The following TMEM255B variants were observed in gnomAD, a reference collection of about 807,000 sequenced individuals.
TMEM255B encodes family with sequence similarity 70, member B.
In TMEM255B, 35 loss-of-function variants were observed where a neutral mutation model predicts 34.5. The ratio of observed to expected loss-of-function variants is 1.01; its 90% CI spans 0.77 to 1.34. TMEM255B has a LOEUF of 1.34. Among genes scored for constraint, TMEM255B ranks in the 40% most tolerant of loss-of-function variants. The pLI is 0.00. For missense variants in TMEM255B, 432 were observed against 433.2 expected (o/e 1.00, Z 0.02); for synonymous variants, 206 against 201.2 (o/e 1.02, Z -0.20).
chr13:113,799,310 A>G (rs989290750), intron 4 of TMEM255B, 29 bp from the exon 5 acceptor site: 1 of 1,612,032 alleles, frequency 6.2e-7, no homozygotes, highest in African/African-American at 1.3e-5. Flanking sequence ...CACCTGTTTT[A>G]TTCCATCTGT....
chr13:113,788,971 T>C (rs1211490633), intron 3 of TMEM255B, among the ~76,000 whole-genome samples: 1 of 151,944 alleles, frequency 6.6e-6, no homozygotes, highest in East Asian at 1.9e-4. Flanking sequence ...CCACATGCCA[T>C]GCTGTGGGGC....
chr13:113,787,906 G>T (rs906274491), intron 3 of TMEM255B, among the ~76,000 whole-genome samples: 2 of 149,632 alleles, frequency 1.3e-5, no homozygotes, highest in African/African-American at 4.9e-5. Flanking sequence ...CTCTCTCCAG[G>T]AGGTTTACTC....
chr13:113,798,177 G>A (rs1451348065), intron 4 of TMEM255B, among the ~76,000 whole-genome samples: 1 of 151,894 alleles, frequency 6.6e-6, no homozygotes, highest in Non-Finnish European at 1.5e-5. Flanking sequence ...TGGATAGAAG[G>A]ATGGATGATG....
intron 3 of TMEM255B, among the ~76,000 whole-genome samples, chr13:113,777,803 TCAGA>T (rs1228672002): frequency 6.6e-6 from 1 of 152,204 alleles, no homozygotes; most frequent in Non-Finnish European, 1.5e-5. Flanking sequence ...CTGGGCGGCC[TCAGA>T]CAGAGCCTTC....
intron 8 of TMEM255B, among the ~76,000 whole-genome samples, chr13:113,811,282 T>C (rs1594175866): frequency 3.7e-5 from 2 of 54,016 alleles, no homozygotes; most frequent in Non-Finnish European, 6.5e-5. Context: ...CCTGGGTCTG[T>C]GGGGGCCCGT....
At position 113,766,142 on chromosome 13, in the gene TMEM255B, C is replaced by T. The variant is rs771068834; in HGVS notation, c.74C>T (p.Ser25Leu). Residue 25 changes from serine to leucine, a missense_variant, in exon 2 of 9, where the codon TCG (serine) becomes TTG (leucine). Transcript: ENST00000375353. ...AEGLSRRKKT[S>L]LWFVGSLLLV... Reference sequence around the variant, plus strand: ...GGGCTTTCGAGGAGGAAGAAGACGTCGCTCTGGTTTGTGGGGTCTCTGCTG... The same window carrying T: ...GGGCTTTCGAGGAGGAAGAAGACGTTGCTCTGGTTTGTGGGGTCTCTGCTG... 30 of 1,614,112 alleles carry T rather than the reference C, an allele frequency of 1.9e-5. No homozygotes were observed. In the East Asian group the frequency reaches 2.5e-4, roughly 13 times the overall value.
intron 3 of TMEM255B, among the ~76,000 whole-genome samples, chr13:113,782,854 GGGGACTTTTCTTTC>G (rs2050686847): frequency 6.6e-6 from 1 of 152,154 alleles, no homozygotes; most frequent in African/African-American, 2.4e-5. Flanking sequence ...CCCAGAGGTG[GGGGACTTTTCTTTC>G]GGGTTATCAG....
intron 1 of TMEM255B, among the ~76,000 whole-genome samples, chr13:113,761,842 C>T (rs1284366713): frequency 2.6e-5 from 4 of 152,118 alleles, no homozygotes; most frequent in African/African-American, 9.7e-5. Flanking sequence ...TGTCTATGTC[C>T]TCATCTGAGC....
chr13:113,801,470 C>T (rs773288605), intron 6 of TMEM255B, among the ~76,000 whole-genome samples, 183 bp from the exon 7 acceptor site: 2 of 152,244 alleles, frequency 1.3e-5, no homozygotes, highest in African/African-American at 2.4e-5. Context: ...TGGGGAGCCT[C>T]ACAGGCCAAT....
rs113330651 is a variant in TMEM255B at position 113,785,416 on chromosome 13, C to A, written c.253-9732C>A. 7.0e-3 allele frequency among the ~76,000 whole-genome samples: 1,070 copies of A among 152,324 alleles called. 13 individuals carry two copies. The highest frequency in any genetic ancestry group is 0.023 in the African/African-American group (969 of 41,558). On this transcript the variant is annotated intron_variant, in intron 3 of 8. Coordinates refer to ENST00000375353, the MANE Select transcript of TMEM255B (RefSeq NM_182614.4). ...AGGGAGGCTTGCGGGCTTCCCTCAC[C>A]CCCAGCTGCGGTTTCTGACTCAGCT... is the stretch of plus-strand genomic sequence containing the variant.
chr13:113,789,465 A>G (rs141574957), intron 3 of TMEM255B, among the ~76,000 whole-genome samples: 53 of 152,296 alleles, frequency 3.5e-4, no homozygotes, highest in Non-Finnish European at 5.3e-4. Context: ...AAGAGTTAAC[A>G]ATGCCTGGAG....
At chr13:113,768,363 G>A (rs1272445905) in intron 2 of TMEM255B, 6 of 414,942 alleles carry the variant, frequency 1.4e-5, no homozygotes, top group African/African-American at 6.2e-5. Context: ...TGGAGGGTGC[G>A]GATGCCCGGC....
At chr13:113,805,629 T>C (rs1237750904) in intron 8 of TMEM255B, among the ~76,000 whole-genome samples, 4 of 152,138 alleles carry the variant, frequency 2.6e-5, no homozygotes, top group African/African-American at 9.7e-5. Context: ...GTTTCTTACC[T>C]CGGCACTGTA....
At position 113,770,961 on chromosome 13, in the gene TMEM255B, G is replaced by T. The variant is rs2050468658; in HGVS notation, c.252+1801G>T. 6.6e-6 allele frequency among the ~76,000 whole-genome samples: 1 copy of T among 152,202 alleles called. No homozygotes were observed. The highest frequency in any genetic ancestry group is 2.4e-5 in the African/African-American group (1 of 41,430). ...TGGCGATGCACAGGATGGGTGGACAGTGTGGGTCTGTTTTTCTTTCCTTTT... is the reference window on the plus strand; with the variant it reads ...TGGCGATGCACAGGATGGGTGGACATTGTGGGTCTGTTTTTCTTTCCTTTT... On this transcript the variant is annotated intron_variant, in intron 3 of 8. Coordinates refer to ENST00000375353, the MANE Select transcript of TMEM255B (RefSeq NM_182614.4). The surrounding 1 kb of genome is among the most constrained non-coding windows in gnomAD (Gnocchi z 4.6).
chr13:113,808,339 CAGA>C (rs1027288562), intron 8 of TMEM255B, among the ~76,000 whole-genome samples: 44 of 152,300 alleles, frequency 2.9e-4, no homozygotes, highest in African/African-American at 9.6e-4. Context: ...GGCATCACAG[CAGA>C]AGATGAGTTC....
At chr13:113,775,064 C>CCA (rs75434298) in intron 3 of TMEM255B, among the ~76,000 whole-genome samples, 58,507 of 149,008 alleles carry the variant, frequency 0.39, 13,186 homozygotes, top group East Asian at 0.72. Context: ...ACACCACACA[C>CCA]CACACACTCC....
chr13:113,804,057 G>A (rs2051117746), intron 7 of TMEM255B, among the ~76,000 whole-genome samples: 1 of 152,202 alleles, frequency 6.6e-6, no homozygotes, highest in Non-Finnish European at 1.5e-5. Context: ...TGGGGAAGGT[G>A]GAGGGGCACC....
rs1479195577 is a variant in TMEM255B at position 113,814,614 on chromosome 13, T to A, written c.*2711T>A. The A allele has an allele frequency of 6.6e-6, 1 of 152,186 alleles. No individual in the cohort carries two copies. The highest frequency in any genetic ancestry group is 2.4e-5 in the African/African-American group (1 of 41,392). 9.4% of individuals were successfully genotyped at this position (152,186 alleles called of 1,614,324 possible). A position where few individuals can be genotyped will look rare whatever the true frequency, so the allele number is the denominator to read the frequency against. Reference sequence around the variant, plus strand: ...TCCGGCCAATGCCTGGCCTGCAGTGTGGGCGGCGGCTGCTCTCGAGGTGCA... The same window carrying A: ...TCCGGCCAATGCCTGGCCTGCAGTGAGGGCGGCGGCTGCTCTCGAGGTGCA... On this transcript the variant is annotated 3_prime_UTR_variant, in exon 9 of 9. Coordinates refer to ENST00000375353, the MANE Select transcript of TMEM255B (RefSeq NM_182614.4).
intron 3 of TMEM255B, 137 bp from the exon 4 acceptor site, chr13:113,795,011 A>C: frequency 1.3e-6 from 1 of 759,594 alleles, no homozygotes; most frequent in Non-Finnish European, 2.2e-6. Context: ...GCTGGAAGTC[A>C]TAGGACGAAA....
Sources: allele counts gnomAD v4.1 joint callset (sites outside exome capture counted in the v4.1 genomes callset), GRCh38; gene constraint gnomAD v4.1.1; non-coding constraint Gnocchi (gnomAD v3.1); transcripts MANE v1.5; gene names NCBI Gene and HGNC (gene_info 2026-07-23, HGNC 2026-07-21).